The following SLC24A2 variants were observed in gnomAD, a reference collection of about 807,000 sequenced individuals.
The protein encoded by SLC24A2 is solute carrier family 24 member 2.
Under a neutral mutation model 62.0 loss-of-function variants are expected in SLC24A2, and 36 were observed. That is an observed-to-expected ratio of 0.58 (90% CI 0.44 to 0.77). SLC24A2 has a LOEUF of 0.77. Among genes scored for constraint, SLC24A2 ranks in the 30% least tolerant of loss-of-function variants. The pLI is 0.00. For synonymous variants in SLC24A2, 358 were observed against 294.0 expected (o/e 1.22, Z -2.23); for missense variants, 846 against 817.9 (o/e 1.03, Z -0.42).
intron 4 of SLC24A2, among the ~76,000 whole-genome samples, chr9:19,597,841 G>C (rs1042143368): frequency 1.3e-5 from 2 of 152,186 alleles, no homozygotes; most frequent in Admixed American, 1.3e-4. Context: ...AACACAGAGT[G>C]CTCTGGGAGG....
At chr9:20,149,226 T>G in the SLC24A2 span, among the ~76,000 whole-genome samples, 1 of 152,034 alleles carries the variant, frequency 6.6e-6, no homozygotes, top group African/African-American at 2.4e-5. Flanking sequence ...CTAATGACTT[T>G]CCTCTCTAAT....
At chr9:20,015,281 C>G in the SLC24A2 span, among the ~76,000 whole-genome samples, 2 of 152,164 alleles carry the variant, frequency 1.3e-5, no homozygotes, top group Admixed American at 6.5e-5. Context: ...GAGCTGGAAC[C>G]TGCATCAGCC....
intron 5 of SLC24A2, among the ~76,000 whole-genome samples, chr9:19,579,957 C>G (rs979038034): frequency 2.0e-5 from 3 of 152,210 alleles, no homozygotes; most frequent in African/African-American, 4.8e-5. Flanking sequence ...TCTAGGAGAA[C>G]AGGGTAGGAG....
chr9:20,097,720 A>ATTTTTT, the SLC24A2 span, among the ~76,000 whole-genome samples: 20 of 69,116 alleles, frequency 2.9e-4, no homozygotes, highest in South Asian at 1.9e-3. Flanking sequence ...ATCTTAAATA[A>ATTTTTT]TTTTTTTTTT....
chr9:20,080,742 A>G, the SLC24A2 span, among the ~76,000 whole-genome samples: 2 of 152,216 alleles, frequency 1.3e-5, no homozygotes, highest in Non-Finnish European at 2.9e-5. Flanking sequence ...ACAAAGGGCT[A>G]ATATCCAGAA....
At chr9:19,795,016 A>C in the SLC24A2 span, among the ~76,000 whole-genome samples, 2 of 152,250 alleles carry the variant, frequency 1.3e-5, no homozygotes, top group Non-Finnish European at 2.9e-5. Context: ...CCTCAAACAT[A>C]GGACAAGCCA....
rs185025498 is a variant in SLC24A2, at chr9:19,632,845, G to A, written c.931-10546C>T. ...GTGCACCTATTTGTGTTTGTGCATA[G>A]TGTGTATGTAGTTCTATGCAGTTTA... On this transcript the variant is annotated intron_variant, in intron 2 of 10. Transcript: ENST00000341998. This position sits in a 1 kb window ranked among gnomAD's most constrained non-coding sequence, Gnocchi z 4.5. 3.1e-4 allele frequency among the ~76,000 whole-genome samples: 47 copies of A among 152,258 alleles called. No individual in the cohort carries two copies. Among genetic ancestry groups the A allele is most frequent in the Non-Finnish European group, 5.1e-4 (35 of 68,018 alleles).
chr9:19,656,249 A>G (rs1389203501), intron 2 of SLC24A2, among the ~76,000 whole-genome samples: 1 of 152,236 alleles, frequency 6.6e-6, no homozygotes, highest in Non-Finnish European at 1.5e-5. Context: ...GGCTACAACC[A>G]ATATAAAAAA....
the SLC24A2 span, among the ~76,000 whole-genome samples, chr9:19,962,339 C>T: frequency 5.3e-5 from 8 of 152,256 alleles, no homozygotes; most frequent in South Asian, 6.2e-4. Context: ...ATTGACTTGG[C>T]GATGCGGGCT....
At chr9:19,980,827 C>A in the SLC24A2 span, among the ~76,000 whole-genome samples, 1 of 152,110 alleles carries the variant, frequency 6.6e-6, no homozygotes. Flanking sequence ...CATGTACATT[C>A]CTAGCATGTC....
chr9:20,159,667 T>A, the SLC24A2 span, among the ~76,000 whole-genome samples: 1 of 151,494 alleles, frequency 6.6e-6, no homozygotes, highest in African/African-American at 2.4e-5. Flanking sequence ...GTATAGGGAA[T>A]AGGTGGATGT....
At chr9:19,611,456 G>A (rs1054912279) in intron 4 of SLC24A2, among the ~76,000 whole-genome samples, 1 of 151,482 alleles carries the variant, frequency 6.6e-6, no homozygotes, top group South Asian at 2.1e-4. Flanking sequence ...GAGAAGAGAG[G>A]ATAGGAGGAA....
At chr9:19,820,554 T>A in the SLC24A2 span, among the ~76,000 whole-genome samples, 4 of 151,148 alleles carry the variant, frequency 2.6e-5, no homozygotes, top group Non-Finnish European at 5.9e-5. Flanking sequence ...AATAAATAAA[T>A]AAATAAAAAT....
At chr9:19,781,956 C>T (rs933117986) in intron 2 of SLC24A2, among the ~76,000 whole-genome samples, 2 of 152,190 alleles carry the variant, frequency 1.3e-5, no homozygotes, top group Admixed American at 1.3e-4. Context: ...GAACATTAAT[C>T]ACAATTTGAA....
At chr9:19,899,720 G>A in the SLC24A2 span, among the ~76,000 whole-genome samples, 1 of 152,312 alleles carries the variant, frequency 6.6e-6, no homozygotes, top group East Asian at 1.9e-4. Flanking sequence ...GGCTGGGGAG[G>A]CCTTAGGAAA....
the SLC24A2 span, among the ~76,000 whole-genome samples, chr9:19,855,618 C>T: frequency 6.6e-6 from 1 of 152,148 alleles, no homozygotes; most frequent in African/African-American, 2.4e-5. Flanking sequence ...ACGTTGGTCC[C>T]CAATCTCTTC....
rs774240238 is a variant in SLC24A2 at position 19,731,540 on chromosome 9, TGTGC to T, written c.930+54393_930+54396del. On this transcript the variant is annotated intron_variant, in intron 2 of 10. Coordinates refer to ENST00000341998, the MANE Select transcript of SLC24A2 (RefSeq NM_020344.4). ...CCGTGTGTGTGTGTGTGTGTGTGTG[TGTGC>T]ATGTGTGCACATGCACACAGGCTAT... Among the ~76,000 whole-genome samples, 120 of 126,912 alleles carry T rather than the reference TGTGC, an allele frequency of 9.5e-4. 1 individual carries two copies. Among genetic ancestry groups the T allele is most frequent in the South Asian group, 2.3e-3 (7 of 3,066 alleles). 83.3% of individuals were successfully genotyped at this position (126,912 alleles called of 152,430 possible). A position where few individuals can be genotyped will look rare whatever the true frequency, so the allele number is the denominator to read the frequency against.
At chr9:20,010,731 G>GTA in the SLC24A2 span, among the ~76,000 whole-genome samples, 1 of 151,538 alleles carries the variant, frequency 6.6e-6, no homozygotes, top group East Asian at 1.9e-4. Flanking sequence ...TTTACATTAG[G>GTA]TATATCTCCT....
the SLC24A2 span, among the ~76,000 whole-genome samples, chr9:20,091,697 G>C: frequency 2.2e-4 from 33 of 152,140 alleles, 1 homozygote; most frequent in Non-Finnish European, 4.4e-5. Context: ...CCTTATAAGA[G>C]ATCTTGAAAA....
Sources: gnomAD v4.1 joint callset for allele counts (sites outside exome capture counted in the v4.1 genomes callset) on GRCh38, gnomAD v4.1.1 for gene constraint, Gnocchi (gnomAD v3.1) non-coding constraint, MANE v1.5 for transcripts, NCBI Gene and HGNC (gene_info 2026-07-23, HGNC 2026-07-21) for gene names.